HEATR5B: variants seen among roughly 807,000 people sequenced by gnomAD.
HEATR5B encodes the protein HEAT repeat containing 5B.
A neutral mutation model predicts 224.1 loss-of-function variants in HEATR5B; 156 were observed. The ratio of observed to expected loss-of-function variants is 0.70; its 90% confidence interval spans 0.61 to 0.80. The LOEUF (loss-of-function observed/expected upper bound fraction) is 0.80. HEATR5B is among the 30% of genes least tolerant of loss of function. The pLI, the probability that HEATR5B is intolerant of heterozygous loss-of-function variation, is 0.00. For missense variants in HEATR5B, 2,323 were observed against 2,535.5 expected (o/e 0.92, Z 1.80); for synonymous variants, 1,027 against 893.0 (o/e 1.15, Z -2.68).
At chr2:37,032,458 C>A (rs538734518) in intron 22 of HEATR5B, among the ~76,000 whole-genome samples, 171 bp downstream of exon 22, 2 of 151,998 alleles carry the variant, frequency 1.3e-5, no homozygotes, top group East Asian at 3.9e-4. Context: ...AGCAAAAATG[C>A]AAAATTATCA....
chr2:36,982,485 C>CTGTGTGTGTT (rs1665648964), intron 35 of HEATR5B, among the ~76,000 whole-genome samples: 2 of 151,992 alleles, frequency 1.3e-5, no homozygotes, highest in Admixed American at 1.3e-4. Context: ...AACAATTAAC[C>CTGTGTGTGTT]TTTATATGTA....
chr2:37,070,511 T>C (rs530534867), intron 6 of HEATR5B, 124 bp from the exon 7 acceptor site: 3 of 743,998 alleles, frequency 4.0e-6, no homozygotes, highest in East Asian at 5.6e-5. Context: ...TTCCTTATAA[T>C]TGTTTTCTTA....
intron 11 of HEATR5B, 90 bp from the exon 12 acceptor site, chr2:37,060,823 T>A (rs182800782): frequency 2.8e-6 from 3 of 1,083,512 alleles, no homozygotes; most frequent in African/African-American, 3.2e-5. Flanking sequence ...ACAAACTTTA[T>A]GTAATTTTAG....
chr2:37,006,308 G>A (rs1479045985), intron 29 of HEATR5B, among the ~76,000 whole-genome samples: 1 of 152,092 alleles, frequency 6.6e-6, no homozygotes, highest in Non-Finnish European at 1.5e-5. Context: ...GAAAACATAA[G>A]ATCACTAAAA....
intron 27 of HEATR5B, among the ~76,000 whole-genome samples, chr2:37,012,202 CGTGT>C (rs1407194835): frequency 6.6e-6 from 1 of 152,004 alleles, no homozygotes; most frequent in African/African-American, 2.4e-5. Flanking sequence ...TGTGTGCGTG[CGTGT>C]GTGTATAATT....
intron 18 of HEATR5B, among the ~76,000 whole-genome samples, chr2:37,044,697 G>GT (rs963768447): frequency 6.6e-5 from 10 of 152,278 alleles, no homozygotes; most frequent in African/African-American, 2.2e-4. Flanking sequence ...ATCTTCCAAA[G>GT]TGTCTGTAAC....
intron 33 of HEATR5B, among the ~76,000 whole-genome samples, chr2:36,998,592 T>C (rs1221558732): frequency 2.6e-5 from 4 of 152,172 alleles, no homozygotes; most frequent in African/African-American, 7.2e-5. Flanking sequence ...AGGATGTTAA[T>C]TGCAGCAATC....
intron 25 of HEATR5B, among the ~76,000 whole-genome samples, 158 bp downstream of exon 25, chr2:37,020,497 G>A (rs904156579): frequency 6.6e-6 from 1 of 152,170 alleles, no homozygotes; most frequent in Non-Finnish European, 1.5e-5. Flanking sequence ...CATTTGTGGG[G>A]TGACTAAAAC....
rs1213482751 is a variant in HEATR5B at position 36,981,656 on chromosome 2, T to A, written c.6050A>T (p.Tyr2017Phe). 1 of 1,614,142 alleles carries A rather than the reference T, an allele frequency of 6.2e-7. No individual in the cohort carries two copies. Among genetic ancestry groups the A allele is most frequent in the Non-Finnish European group, 8.5e-7 (1 of 1,180,020 alleles). The change falls in exon 36 of 36, where the codon TAT (tyrosine) becomes TTT (phenylalanine). Residue 2017 changes from tyrosine (Y) to phenylalanine (F), a missense_variant. Physicochemically the swap from Tyr to Phe is conservative, Grantham distance 22 (BLOSUM62 3). Coordinates refer to ENST00000233099, the MANE Select transcript of HEATR5B (RefSeq NM_019024.3). ...CATTACTGTCTTGAAAGCATGTGGA[T>A]ACAGAGGTCCAATATGCATTAAATT... The part of the protein sequence containing the change: ...LQNLMHIGPL[Y>F]PHAFKTVMGA...
chr2:36,993,558 G>C (rs200152303), intron 33 of HEATR5B, among the ~76,000 whole-genome samples: 1 of 145,854 alleles, frequency 6.9e-6, no homozygotes, highest in African/African-American at 2.6e-5. Flanking sequence ...AAAAAAAAAA[G>C]AAAGAAAGTT....
chr2:37,036,517 T>A (rs201937247), intron 21 of HEATR5B, among the ~76,000 whole-genome samples: 602 of 24,330 alleles, frequency 0.025, 5 homozygotes, highest in African/African-American at 0.21. Flanking sequence ...ATATCAATTG[T>A]TTTTTTTTTT....
At position 37,028,920 on chromosome 2, in the gene HEATR5B, T is replaced by C. The variant is rs139317761; in HGVS notation, c.3362A>G (p.Asn1121Ser). ...NTGDKESSSA[N>S]VSPFAPGVSS... ...AACCCCAGGGGCAAAAGGACTGACA[T>C]CTGAAAGGTAATTTTTACAAATGAA... The change falls in exon 23 of 36, where the codon AAT becomes AGT. Residue 1121 changes from asparagine (N) to serine (S), a missense_variant and splice_region_variant. Around this residue, in one of 12 missense-constraint regions of HEATR5B, gnomAD observed 339 missense variants for 378.4 expected, o/e 0.90. Transcript: ENST00000233099. 3.0e-5 allele frequency: 49 copies of C among 1,612,450 alleles called. No homozygotes were observed. Among genetic ancestry groups the C allele is most frequent in the Middle Eastern group, 1.6e-4 (1 of 6,080 alleles).
intron 33 of HEATR5B, among the ~76,000 whole-genome samples, chr2:36,994,796 G>C (rs1254667426): frequency 6.6e-6 from 1 of 152,024 alleles, no homozygotes; most frequent in Non-Finnish European, 1.5e-5. Context: ...CTGTCGTCCA[G>C]GCTGGAGTGC....
At position 37,020,743 on chromosome 2, in the gene HEATR5B, T is replaced by C. The variant is rs752056969; in HGVS notation, c.3947A>G (p.Gln1316Arg). The change falls in exon 25 of 36, where the codon CAG (glutamine) becomes CGG (arginine). Residue 1316 changes from glutamine to arginine, a missense_variant. Gln to Arg is a conservative substitution (Grantham distance 43). Around this residue, in one of 12 missense-constraint regions of HEATR5B, gnomAD observed 339 missense variants for 378.4 expected, o/e 0.90. Transcript: ENST00000233099. ...HSNQLRMAGL[Q>R]ALEDIIKKFA... ...CTTCTTGATAATGTCTTCAAGCGCC[T>C]GGAGCCCAGCCATTCGCAGCTGGTT... 6.2e-7 allele frequency: 1 copy of C among 1,610,370 alleles called. No individual in the cohort carries two copies. Among genetic ancestry groups the C allele is most frequent in the South Asian group, 1.1e-5 (1 of 90,256 alleles).
Position 37,075,604 on chromosome 2 carries a change from G to C in HEATR5B, c.478C>G (p.Leu160Val), listed in dbSNP as rs1396494926. The change falls in exon 5 of 36, where the codon CTA (leucine) becomes GTA (valine). Residue 160 changes from leucine (L) to valine (V), a missense_variant. Leu to Val is a conservative substitution (Grantham distance 32). This residue lies in a region of HEATR5B where 292 missense variants were observed against 332.6 expected (regional missense o/e 0.88). Coordinates refer to ENST00000233099, the MANE Select transcript of HEATR5B (RefSeq NM_019024.3). Reference sequence around the variant, plus strand: ...CCCAGTCCACTTAGAACTTTCTGTAGACTCATTAAGATTTCACTTCGCCCT... The same window carrying C: ...CCCAGTCCACTTAGAACTTTCTGTACACTCATTAAGATTTCACTTCGCCCT... ...SQGRSEILMS[L>V]QKVLSGLGGA... The C allele has an allele frequency of 2.5e-6, 4 of 1,613,402 alleles. No individual in the cohort carries two copies. In the East Asian group the frequency reaches 8.9e-5, roughly 36 times the overall value.
At chr2:36,999,549 C>T (rs1429656789) in intron 33 of HEATR5B, among the ~76,000 whole-genome samples, 1 of 151,704 alleles carries the variant, frequency 6.6e-6, no homozygotes, top group Non-Finnish European at 1.5e-5. Flanking sequence ...CACGGTTGCG[C>T]ACACCTGTAG....
intron 8 of HEATR5B, 46 bp downstream of exon 8, chr2:37,068,635 C>T (rs766814142): frequency 2.5e-6 from 4 of 1,584,056 alleles, no homozygotes; most frequent in Non-Finnish European, 3.4e-6. Flanking sequence ...TAATAAAGAA[C>T]TAAATGACTA....
intron 13 of HEATR5B, 63 bp downstream of exon 13, chr2:37,058,825 G>A (rs532583394): frequency 7.5e-5 from 75 of 997,232 alleles, no homozygotes; most frequent in Admixed American, 5.9e-4. Flanking sequence ...CACAAAATAT[G>A]GCTGAGAAGT....
chr2:37,037,384 C>T (rs779414664), intron 21 of HEATR5B, among the ~76,000 whole-genome samples: 4 of 151,786 alleles, frequency 2.6e-5, no homozygotes, highest in Non-Finnish European at 4.4e-5. Flanking sequence ...ACCTCATGAT[C>T]TGCCCACCTT....
Sources: allele counts gnomAD v4.1 joint callset (sites outside exome capture counted in the v4.1 genomes callset), GRCh38; gene constraint gnomAD v4.1.1; regional missense constraint gnomAD v4.1.1; transcripts MANE v1.5; gene names NCBI Gene and HGNC (gene_info 2026-07-23, HGNC 2026-07-21).